The following BAHCC1 variants were observed in gnomAD, a reference collection of about 807,000 sequenced individuals.
BAHCC1 encodes the protein BAH and coiled-coil domain-containing protein 1.
In BAHCC1, 43 loss-of-function variants were observed where a neutral mutation model predicts 88.2. The observed-to-expected ratio is 0.49, with a 90% confidence interval of 0.38 to 0.63. The LOEUF is 0.63. Ranked by LOEUF, BAHCC1 falls within the 20% of genes least tolerant of loss-of-function variation. The pLI, the probability that BAHCC1 is intolerant of heterozygous loss-of-function variation, is 0.00. For synonymous variants in BAHCC1, 1,510 were observed against 745.5 expected (o/e 2.03, Z -16.71); for missense variants, 3,023 against 1,654.8 (o/e 1.83, Z -14.34).
rs1037305468 is a variant in BAHCC1 at position 81,445,104 on chromosome 17, G to C, written c.2761G>C (p.Val921Leu). 6 of 772,604 alleles carry C rather than the reference G, an allele frequency of 7.8e-6. No homozygotes were observed. Among genetic ancestry groups the C allele is most frequent in the Non-Finnish European group, 1.4e-5 (6 of 415,446 alleles). 47.9% of individuals were successfully genotyped at this position (772,604 alleles called of 1,614,324 possible). ...SHMQHPGQLP[V>L]YSRPQLLRQQ... is the part of the protein sequence containing the mutation. ...CATGCAGCACCCGGGCCAGCTCCCT[G>C]TGTACTCGAGGCCGCAGCTCCTCCG... The change falls in exon 9 of 28, where the codon GTG (valine) becomes CTG (leucine). Residue 921 changes from valine (V) to leucine (L), a missense_variant. By Grantham distance (32) the Val-to-Leu change is conservative (BLOSUM62 1). Coordinates refer to ENST00000675386, the MANE Select transcript of BAHCC1 (RefSeq NM_001377448.1).
In BAHCC1 at chr17:81,458,936, G is replaced by A. The variant is rs370519844; in HGVS notation, c.5572G>A (p.Gly1858Ser). Residue 1858 changes from glycine (G) to serine (S), a missense_variant, in exon 20 of 28, where the codon GGC becomes AGC. Physicochemically the swap from Gly to Ser is moderately conservative, Grantham distance 56. Transcript: ENST00000675386. Reference protein sequence around the residue: ...EDEEEEEEDSGPLSAEQSAAL... With the variant: ...EDEEEEEEDSSPLSAEQSAAL... ...CGAGGAGGAAGAGGAGGAGGACAGC[G>A]GCCCTCTGAGCGCAGAGCAGAGCGC... is the stretch of plus-strand genomic sequence containing the variant. 27 of 761,336 alleles carry A rather than the reference G, an allele frequency of 3.5e-5. No homozygotes were observed. The highest frequency in any genetic ancestry group is 1.5e-4 in the African/African-American group (9 of 58,900). 47.2% of individuals were successfully genotyped at this position (761,336 alleles called of 1,614,324 possible).
intron 23 of BAHCC1, 46 bp from the exon 24 acceptor site, chr17:81,460,231 C>T (rs782817662): frequency 2.5e-5 from 18 of 719,186 alleles, no homozygotes; most frequent in Admixed American, 7.9e-5. Context: ...CTGTTTCGGG[C>T]GCCTACTGGG....
In BAHCC1 at chr17:81,399,553, G is replaced by A; in HGVS notation, c.-187G>A. The A allele has an allele frequency of 5.2e-6, 2 of 385,712 alleles. No homozygotes were observed. Among genetic ancestry groups the A allele is most frequent in the African/African-American group, 2.2e-5 (1 of 45,224 alleles). The allele number at this position is 385,712 out of a possible 1,614,324, so 23.9% of individuals were successfully genotyped here. A position where few individuals can be genotyped will look rare whatever the true frequency, so the allele number is the denominator to read the frequency against. ...CCACAGACCATGGACCCGCACAGCG[G>A]CCGCTGGCTCGGTGCGCGGCCGCCC... is the stretch of plus-strand genomic sequence containing the variant. On this transcript the variant is annotated 5_prime_UTR_variant, in exon 2 of 28. Coordinates refer to ENST00000675386, the MANE Select transcript of BAHCC1 (RefSeq NM_001377448.1). The surrounding 1 kb of genome is among the most constrained non-coding windows in gnomAD (Gnocchi z 4.5).
chr17:81,418,689 T>C (rs1372483816), intron 2 of BAHCC1, among the ~76,000 whole-genome samples: 1 of 152,164 alleles, frequency 6.6e-6, no homozygotes, highest in African/African-American at 2.4e-5. Flanking sequence ...CTTTGAGGAC[T>C]TGCCCAGCTG....
At position 81,451,679 on chromosome 17, in the gene BAHCC1, G is replaced by A. The variant is rs1379496340; in HGVS notation, c.3988G>A (p.Asp1330Asn). 2.6e-6 allele frequency: 2 copies of A among 776,262 alleles called. No homozygotes were observed. The highest frequency in any genetic ancestry group is 4.8e-6 in the Non-Finnish European group (2 of 417,668). The allele number at this position is 776,262 out of a possible 1,614,324, so 48.1% of individuals were successfully genotyped here. ...CCCATGCCGCACAGAGGAGGAAGAG[G>A]ACGTGCTAGCCTTCAACCTGCAGCA... is the stretch of plus-strand genomic sequence containing the variant. Reference protein sequence around the residue: ...SERTVPEEEEDVLAFNLQHLA... With the variant: ...SERTVPEEEENVLAFNLQHLA... Residue 1330 changes from aspartate to asparagine, a missense_variant, in exon 12 of 28, where the codon GAC (aspartate) becomes AAC (asparagine). Asp to Asn is a conservative substitution (Grantham distance 23, BLOSUM62 1). Coordinates refer to ENST00000675386, the MANE Select transcript of BAHCC1 (RefSeq NM_001377448.1).
chr17:81,415,471 G>A lies in BAHCC1; in HGVS notation c.179-11329G>A, dbSNP rs534558025. On this transcript the variant is annotated intron_variant, in intron 2 of 27. Transcript: ENST00000675386. ...GCGAGCGCGAGGCCCCATGTGGTTG[G>A]AGCCAGCTGTACCAAAAGCAGTTGG... 1.4e-5 allele frequency: 7 copies of A among 496,382 alleles called. No individual in the cohort carries two copies. In the East Asian group the frequency reaches 4.1e-4, roughly 29 times the overall value. 30.7% of individuals were successfully genotyped at this position (496,382 alleles called of 1,614,324 possible).
At chr17:81,445,736 C>G in intron 10 of BAHCC1, 55 bp downstream of exon 10, 1 of 697,814 alleles carries the variant, frequency 1.4e-6, no homozygotes, top group South Asian at 1.5e-5. Flanking sequence ...CCCTCCCACC[C>G]CTGCCCGGCA....
At chr17:81,413,043 G>C (rs1201486118) in intron 2 of BAHCC1, 2 of 351,160 alleles carry the variant, frequency 5.7e-6, no homozygotes, top group South Asian at 1.9e-5. Context: ...TTCTAGAAAC[G>C]AGTCCAGGTC....
At chr17:81,456,822 C>G (rs141034410) in intron 16 of BAHCC1, among the ~76,000 whole-genome samples, 2 of 152,190 alleles carry the variant, frequency 1.3e-5, no homozygotes, top group Admixed American at 6.5e-5. Flanking sequence ...ACCCCCATGT[C>G]AGGGCCGAAG....
Position 81,411,198 on chromosome 17 carries a change from G to A in BAHCC1, c.178+11281G>A, listed in dbSNP as rs372412062. On this transcript the variant is annotated intron_variant, in intron 2 of 27. Coordinates refer to ENST00000675386, the MANE Select transcript of BAHCC1 (RefSeq NM_001377448.1). This position sits in a 1 kb window ranked among gnomAD's most constrained non-coding sequence, Gnocchi z 6.2. Reference sequence around the variant, plus strand: ...CCCCAGGCTGAGGCCGAGGGTCTGCGCCACCTGGGCATGCCCAGTGGGGCC... The same window carrying A: ...CCCCAGGCTGAGGCCGAGGGTCTGCACCACCTGGGCATGCCCAGTGGGGCC... 3.9e-5 allele frequency: 20 copies of A among 517,446 alleles called. No homozygotes were observed. Among genetic ancestry groups the A allele is most frequent in the East Asian group, 1.6e-4 (3 of 18,294 alleles). 32.1% of individuals were successfully genotyped at this position (517,446 alleles called of 1,614,324 possible).
rs376664843 is a variant in BAHCC1 at position 81,443,159 on chromosome 17, G to A, written c.1810G>A (p.Ala604Thr). 4.2e-5 allele frequency: 33 copies of A among 778,264 alleles called. 1 individual carries two copies. Among genetic ancestry groups the A allele is most frequent in the Admixed American group, 2.4e-4 (14 of 58,980 alleles). 48.2% of individuals were successfully genotyped at this position (778,264 alleles called of 1,614,324 possible). ...MAISEERKAGAYLDPFGSGLQ... is the reference protein window; with the variant it reads ...MAISEERKAGTYLDPFGSGLQ... Reference sequence around the variant, plus strand: ...CATCAGCGAGGAGCGCAAGGCTGGCGCCTACCTGGACCCCTTTGGCAGTGG... The same window carrying A: ...CATCAGCGAGGAGCGCAAGGCTGGCACCTACCTGGACCCCTTTGGCAGTGG... Residue 604 changes from alanine (A) to threonine (T), a missense_variant, in exon 5 of 28, where the codon GCC becomes ACC. By Grantham distance (58) the Ala-to-Thr change is moderately conservative (BLOSUM62 0). Transcript: ENST00000675386.
In BAHCC1 at chr17:81,461,657, G is replaced by A. The variant is rs200751178; in HGVS notation, c.6994G>A (p.Val2332Met). ...GSSTSSSSGSVSTSSLCSSDN... is the reference protein window; with the variant it reads ...GSSTSSSSGSMSTSSLCSSDN... ...GTCCACCTCCTCCTCCTCAGGCTCC[G>A]TGTCCACCTCCAGCCTCTGCTCCTC... Residue 2332 changes from valine (V) to methionine (M), a missense_variant, in exon 26 of 28, where the codon GTG (valine) becomes ATG (methionine). Val to Met is a conservative substitution (Grantham distance 21, BLOSUM62 1). Coordinates refer to ENST00000675386, the MANE Select transcript of BAHCC1 (RefSeq NM_001377448.1). 8 of 733,678 alleles carry A rather than the reference G, an allele frequency of 1.1e-5. No individual in the cohort carries two copies. Among genetic ancestry groups the A allele is most frequent in the African/African-American group, 6.9e-5 (4 of 58,110 alleles). The allele number at this position is 733,678 out of a possible 1,614,324, so 45.4% of individuals were successfully genotyped here. A position where few individuals can be genotyped will look rare whatever the true frequency, so the allele number is the denominator to read the frequency against.
In BAHCC1 at chr17:81,462,874, C is replaced by T. The variant is rs569347798; in HGVS notation, c.7518C>T (p.Ile2506=). 1.0e-5 allele frequency: 8 copies of T among 784,688 alleles called. No homozygotes were observed. The highest frequency in any genetic ancestry group is 5.4e-5 in the South Asian group (4 of 74,716). 48.6% of individuals were successfully genotyped at this position (784,688 alleles called of 1,614,324 possible). A position where few individuals can be genotyped will look rare whatever the true frequency, so the allele number is the denominator to read the frequency against. ...CCAACCTCCCCTACATCGGCCGCAT[C>T]GAGAGCATGTGGGAGTCGTGGGGCA... ...GRPNLPYIGR[I]ESMWESWGSN... Residue 2506 remains isoleucine (I), a synonymous_variant, in exon 27 of 28, where the codon ATC becomes ATT. Transcript: ENST00000675386.
intron 3 of BAHCC1, among the ~76,000 whole-genome samples, chr17:81,436,716 G>A (rs782411255): frequency 1.3e-5 from 2 of 152,206 alleles, no homozygotes; most frequent in Admixed American, 1.3e-4. Context: ...AGTCGGCCAG[G>A]CTCGAGCCTC....
intron 3 of BAHCC1, among the ~76,000 whole-genome samples, chr17:81,428,432 C>T (rs1170934083): frequency 1.3e-5 from 2 of 152,204 alleles, no homozygotes; most frequent in Non-Finnish European, 2.9e-5. Context: ...CGGCCGCTGC[C>T]TGGTCCTGGC....
rs371470448 is a variant in BAHCC1, at chr17:81,461,149, C to T, written c.6486C>T (p.Ala2162=). ...GCGCCGACTCCTTCAGCAGCCTGGC[C>T]AGCTCCTACGCGCCCTTCGTCGGGG... is the stretch of plus-strand genomic sequence containing the variant. ...GFRADSFSSL[A]SSYAPFVGGT... Residue 2162 remains alanine, a synonymous_variant, in exon 26 of 28, where the codon GCC becomes GCT. Transcript: ENST00000675386. 1.2e-5 allele frequency: 9 copies of T among 760,910 alleles called. No individual in the cohort carries two copies. The highest frequency in any genetic ancestry group is 8.5e-5 in the African/African-American group (5 of 58,926). The allele number at this position is 760,910 out of a possible 1,614,324, so 47.1% of individuals were successfully genotyped here.
intron 4 of BAHCC1, among the ~76,000 whole-genome samples, chr17:81,441,270 G>A (rs781913784): frequency 4.6e-5 from 7 of 152,200 alleles, no homozygotes; most frequent in Non-Finnish European, 7.3e-5. Context: ...TGCTCGTGAC[G>A]GCTGCACGGC....
intron 2 of BAHCC1, among the ~76,000 whole-genome samples, chr17:81,416,993 C>T (rs1169914957): frequency 5.9e-5 from 9 of 152,180 alleles, no homozygotes; most frequent in African/African-American, 1.9e-4. Context: ...GTGTTGTCCC[C>T]TGCATGTCCA....
chr17:81,427,389 G>A (rs1044537234), intron 3 of BAHCC1, among the ~76,000 whole-genome samples: 7 of 152,162 alleles, frequency 4.6e-5, no homozygotes, highest in Admixed American at 6.5e-5. Flanking sequence ...GGGCCGGGGC[G>A]GGGAGAGCTG....
Sources: gnomAD v4.1 joint callset for allele counts (sites outside exome capture counted in the v4.1 genomes callset) on GRCh38, gnomAD v4.1.1 for gene constraint, Gnocchi (gnomAD v3.1) non-coding constraint, MANE v1.5 for transcripts, NCBI Gene and HGNC (gene_info 2026-07-23, HGNC 2026-07-21) for gene names.